Variants in SLC25A37 observed in about 807,000 individuals in gnomAD.
SLC25A37 encodes the protein mitoferrin-1.
A neutral mutation model predicts 31.0 loss-of-function variants in SLC25A37; 17 were observed. The observed-to-expected ratio is 0.55, with a 90% CI of 0.38 to 0.82. The LOEUF (loss-of-function observed/expected upper bound fraction) is 0.82. Ranked by LOEUF, SLC25A37 falls within the 40% of genes least tolerant of loss-of-function variation. The probability of loss-of-function intolerance (pLI) is 0.00; values close to 1 mark genes in which losing one functional copy is unlikely to be tolerated. For missense variants in SLC25A37, 404 were observed against 465.8 expected (o/e 0.87, Z 1.22); for synonymous variants, 222 against 193.0 (o/e 1.15, Z -1.24).
chr8:23,546,592 TA>T (rs1802068350), intron 1 of SLC25A37, among the ~76,000 whole-genome samples: 1 of 73,852 alleles, frequency 1.4e-5, no homozygotes, highest in African/African-American at 8.6e-5. Context: ...AGTGTATATA[TA>T]TATAGTGTAT....
rs1333334223 is a variant in SLC25A37, at chr8:23,575,147, C to T, written c.*3292C>T. 1 of 152,104 alleles carries T rather than the reference C, an allele frequency of 6.6e-6. No individual in the cohort carries two copies. Among genetic ancestry groups the T allele is most frequent in the African/African-American group, 2.4e-5 (1 of 41,396 alleles). The allele number at this position is 152,104 out of a possible 1,614,324, so 9.4% of individuals were successfully genotyped here. The stretch of plus-strand genomic sequence containing the variant: ...ATTCCAAGCACCTTCCTCCAAAGTC[C>T]CCATAAAGCTGCATCTCCAACACAT... On this transcript the variant is annotated 3_prime_UTR_variant, in exon 4 of 4. Transcript: ENST00000519973.
chr8:23,545,601 T>C (rs1055241083), intron 1 of SLC25A37, among the ~76,000 whole-genome samples: 1 of 152,222 alleles, frequency 6.6e-6, no homozygotes, highest in African/African-American at 2.4e-5. Flanking sequence ...ATCTCTTTGC[T>C]GGGTGCTTTG....
At chr8:23,536,482 G>C (rs975766915) in intron 1 of SLC25A37, among the ~76,000 whole-genome samples, 1 of 151,850 alleles carries the variant, frequency 6.6e-6, no homozygotes, top group Non-Finnish European at 1.5e-5. Context: ...TTGGCCCTGC[G>C]ATCCTCAGTT....
intron 1 of SLC25A37, 146 bp from the exon 2 acceptor site, chr8:23,565,962 T>G: frequency 8.3e-7 from 1 of 1,202,972 alleles, no homozygotes; most frequent in Non-Finnish European, 1.1e-6. Context: ...GAATTCATTT[T>G]GATTTCAAAT....
chr8:23,566,188 C>A lies in SLC25A37; in HGVS notation c.291C>A (p.Thr97=). 6.2e-7 allele frequency: 1 copy of A among 1,605,976 alleles called. No homozygotes were observed. Among genetic ancestry groups the A allele is most frequent in the Non-Finnish European group, 8.5e-7 (1 of 1,177,168 alleles). The change falls in exon 2 of 4, where the codon ACC becomes ACA. Residue 97 remains threonine (T), a synonymous_variant. Transcript: ENST00000519973. ...IYGALKKIMR[T]EGFWRPLRGV... is the part of the protein sequence containing the mutation. Reference sequence around the variant, plus strand: ...GAGCCCTCAAGAAAATCATGCGGACCGAAGGCTTCTGGAGGCCCTTGCGAG... The same window carrying A: ...GAGCCCTCAAGAAAATCATGCGGACAGAAGGCTTCTGGAGGCCCTTGCGAG...
intron 1 of SLC25A37, among the ~76,000 whole-genome samples, chr8:23,549,468 A>G (rs577221044): frequency 5.3e-5 from 8 of 152,296 alleles, no homozygotes; most frequent in Non-Finnish European, 1.0e-4. Flanking sequence ...TTCGGAAGTA[A>G]TTTGTACCTA....
rs112138604 is a variant in SLC25A37 at position 23,552,280 on chromosome 8, T to G, written c.211-13828T>G. 3.4e-3 allele frequency among the ~76,000 whole-genome samples: 524 copies of G among 152,366 alleles called. 3 individuals carry two copies. Among genetic ancestry groups the G allele is most frequent in the African/African-American group, 0.011 (472 of 41,594 alleles). On this transcript the variant is annotated intron_variant, in intron 1 of 3. Coordinates refer to ENST00000519973, the MANE Select transcript of SLC25A37 (RefSeq NM_016612.4). Reference sequence around the variant, plus strand: ...TTATTGAGTACCTACTGTACTCCACTAGGTGAATACAAGGATTTCTCGTTC... The same window carrying G: ...TTATTGAGTACCTACTGTACTCCACGAGGTGAATACAAGGATTTCTCGTTC...
intron 1 of SLC25A37, among the ~76,000 whole-genome samples, chr8:23,539,731 A>G (rs566881507): frequency 1.3e-5 from 2 of 152,350 alleles, no homozygotes; most frequent in East Asian, 3.9e-4. Flanking sequence ...AGATTTGTGA[A>G]TGGCTCTTGC....
At chr8:23,538,292 A>G (rs911920890) in intron 1 of SLC25A37, among the ~76,000 whole-genome samples, 5 of 150,114 alleles carry the variant, frequency 3.3e-5, no homozygotes, top group South Asian at 4.2e-4. Context: ...GAGGAAGGAG[A>G]ATCACTTGAA....
In SLC25A37 at chr8:23,566,482, A is replaced by G. The variant is rs1585202695; in HGVS notation, c.439+146A>G. 6 of 1,439,368 alleles carry G rather than the reference A, an allele frequency of 4.2e-6. No individual in the cohort carries two copies. In the East Asian group the frequency reaches 1.6e-4, roughly 39 times the overall value. The allele number at this position is 1,439,368 out of a possible 1,614,324, so 89.2% of individuals were successfully genotyped here. A position where few individuals can be genotyped will look rare whatever the true frequency, so the allele number is the denominator to read the frequency against. On this transcript the variant is annotated intron_variant, in intron 2 of 3. Transcript: ENST00000519973. ...ACTCAGAGTTGTGTGTGCAATGCAC[A>G]CCCAGACACACGCACGCACACACAC...
chr8:23,566,009 C>CA, intron 1 of SLC25A37, 99 bp from the exon 2 acceptor site: 1 of 1,427,538 alleles, frequency 7.0e-7, no homozygotes, highest in Admixed American at 3.3e-5. Flanking sequence ...GAAACTATGA[C>CA]ATTGTTTTTC....
intron 1 of SLC25A37, among the ~76,000 whole-genome samples, chr8:23,555,425 C>T (rs187142425): frequency 2.0e-5 from 3 of 152,208 alleles, no homozygotes; most frequent in East Asian, 1.9e-4. Flanking sequence ...CCCTATAGCA[C>T]ATCCTGCTGT....
intron 1 of SLC25A37, among the ~76,000 whole-genome samples, chr8:23,532,608 G>T (rs1214979298): frequency 6.6e-6 from 1 of 152,198 alleles, no homozygotes; most frequent in Non-Finnish European, 1.5e-5. Context: ...GAAGCCGGGG[G>T]ACTTCCGCTG....
intron 1 of SLC25A37, among the ~76,000 whole-genome samples, chr8:23,540,223 G>A (rs1228380357): frequency 5.9e-5 from 9 of 152,258 alleles, no homozygotes; most frequent in South Asian, 2.1e-4. Context: ...CCTAGAACTC[G>A]GGCCTTTTTC....
intron 1 of SLC25A37, among the ~76,000 whole-genome samples, chr8:23,545,440 T>A (rs1171644728): frequency 6.6e-6 from 1 of 152,192 alleles, no homozygotes; most frequent in Non-Finnish European, 1.5e-5. Flanking sequence ...TCCATGATAG[T>A]CCAGGGTGTA....
intron 1 of SLC25A37, among the ~76,000 whole-genome samples, chr8:23,561,507 C>T (rs945455811): frequency 2.6e-5 from 4 of 152,190 alleles, no homozygotes; most frequent in Admixed American, 6.5e-5. Context: ...GCTCTCTGGG[C>T]GATTATTCCA....
In SLC25A37 at chr8:23,528,995, G is replaced by A. The variant is rs758054579; in HGVS notation, c.-8G>A. ...CCTGCAGCCTCCTGCGCCCCGCCGA[G>A]CTGGCGGATGGAGCTGCGCAGCGGG... On this transcript the variant is annotated 5_prime_UTR_variant, in exon 1 of 4. Coordinates refer to ENST00000519973, the MANE Select transcript of SLC25A37 (RefSeq NM_016612.4). 2 of 1,492,240 alleles carry A rather than the reference G, an allele frequency of 1.3e-6. No homozygotes were observed. The allele number at this position is 1,492,240 out of a possible 1,614,324, so 92.4% of individuals were successfully genotyped here.
intron 1 of SLC25A37, among the ~76,000 whole-genome samples, chr8:23,561,533 G>A (rs907288959): frequency 6.6e-6 from 1 of 152,208 alleles, no homozygotes; most frequent in African/African-American, 2.4e-5. Flanking sequence ...GGATGGCCAT[G>A]CCCTAAGGTT....
chr8:23,568,795 T>G (rs763779092), intron 3 of SLC25A37: 6 of 238,432 alleles, frequency 2.5e-5, no homozygotes, highest in Non-Finnish European at 4.2e-5. Flanking sequence ...AATACAAAAA[T>G]TAGCCTAGTG....
Sources: allele counts gnomAD v4.1 joint callset (sites outside exome capture counted in the v4.1 genomes callset), GRCh38; gene constraint gnomAD v4.1.1; transcripts MANE v1.5; gene names NCBI Gene and HGNC (gene_info 2026-07-23, HGNC 2026-07-21).